ZMYM4: variants seen among roughly 807,000 people sequenced by gnomAD.
ZMYM4 encodes the protein zinc finger MYM-type protein 4.
Under a neutral mutation model 183.2 loss-of-function variants are expected in ZMYM4, and 31 were observed. The observed-to-expected ratio is 0.17, with a 90% CI of 0.13 to 0.23. The LOEUF (loss-of-function observed/expected upper bound fraction) is 0.23. Ranked by LOEUF, ZMYM4 falls within the 10% of genes least tolerant of loss-of-function variation. The probability of loss-of-function intolerance (pLI) is 1.00; values close to 1 mark genes in which losing one functional copy is unlikely to be tolerated. For synonymous variants in ZMYM4, 592 were observed against 631.2 expected (o/e 0.94, Z 0.93); for missense variants, 1,273 against 1,840.3 (o/e 0.69, Z 5.64).
intron 23 of ZMYM4, among the ~76,000 whole-genome samples, chr1:35,401,492 T>G (rs1644907824): frequency 6.6e-6 from 1 of 152,214 alleles, no homozygotes; most frequent in South Asian, 2.1e-4. Context: ...GGGTTGGTTG[T>G]TATCTTGCTG....
Position 35,269,082 on chromosome 1 carries a change from G to A in ZMYM4, c.36G>A (p.Lys12=), listed in dbSNP as rs1017718549. The change falls in exon 1 of 30, where the codon AAG becomes AAA. Residue 12 remains lysine (K), a synonymous_variant. Transcript: ENST00000314607. ...GAGAGGTGGAGTCCGGCCCCCGAAA[G>A]AGGGTAGGTGAGGTGAGGCAGAACT... is the stretch of plus-strand genomic sequence containing the variant. The part of the protein sequence containing the change: ...AEREVESGPR[K]RFEQKSGAVF... The A allele has an allele frequency of 3.2e-6, 5 of 1,549,330 alleles. No homozygotes were observed. The highest frequency in any genetic ancestry group is 2.7e-5 in the African/African-American group (2 of 73,114).
chr1:35,418,602 A>C (rs1490561325), intron 29 of ZMYM4, 30 bp downstream of exon 29: 2 of 1,610,266 alleles, frequency 1.2e-6, no homozygotes, highest in Non-Finnish European at 1.7e-6. Context: ...AATGTAGTGC[A>C]CTCAGAAGGC....
At chr1:35,295,869 C>T (rs1284566271) in intron 1 of ZMYM4, 1 of 152,160 alleles carries the variant, frequency 6.6e-6, no homozygotes, top group Non-Finnish European at 1.5e-5. Flanking sequence ...GTTTTGGCCA[C>T]CAGATTTAGC....
intron 7 of ZMYM4, among the ~76,000 whole-genome samples, chr1:35,377,718 C>T (rs1282715279): frequency 1.3e-5 from 2 of 152,158 alleles, no homozygotes; most frequent in Admixed American, 6.5e-5. Flanking sequence ...TGTGAGCCTT[C>T]AGTGAGTCAT....
intron 1 of ZMYM4, among the ~76,000 whole-genome samples, chr1:35,302,332 G>A (rs1167575298): frequency 6.7e-6 from 1 of 149,518 alleles, no homozygotes; most frequent in African/African-American, 2.5e-5. Context: ...TCAGCCTCTG[G>A]AGAAGCTGGG....
In ZMYM4 at chr1:35,389,850, CTAAGT is replaced by C. The variant is rs569072933; in HGVS notation, c.2437-94_2437-90del. 4.2e-5 allele frequency: 52 copies of C among 1,242,788 alleles called. No individual in the cohort carries two copies. In the African/African-American group the frequency reaches 6.9e-4, roughly 16 times the overall value. 77.0% of individuals were successfully genotyped at this position (1,242,788 alleles called of 1,614,324 possible). A position where few individuals can be genotyped will look rare whatever the true frequency, so the allele number is the denominator to read the frequency against. ...ACAAACTAATTTTTTGATCTAAATT[CTAAGT>C]TAATTTCGTCACTTGTTATGTGTGT... On this transcript the variant is annotated intron_variant, in intron 14 of 29. Transcript: ENST00000314607. The surrounding 1 kb of genome is among the most constrained non-coding windows in gnomAD (Gnocchi z 4.0).
chr1:35,269,052 GGA>G lies in ZMYM4; in HGVS notation c.14_15del (p.Glu5GlyfsTer10). MA[E>X]REVESGPRKR... is the part of the protein sequence containing the mutation. ...GGTTCCGAGCGGGGCCCAACATGGC[GGA>G]GAGAGAGGTGGAGTCCGGCCCCCGA... On this transcript the variant is annotated frameshift_variant, in exon 1 of 30. Transcript: ENST00000314607. LOFTEE classifies it high-confidence loss of function. 6.5e-7 allele frequency: 1 copy of G among 1,548,216 alleles called. No homozygotes were observed. Among genetic ancestry groups the G allele is most frequent in the Non-Finnish European group, 8.7e-7 (1 of 1,146,230 alleles).
At chr1:35,272,448 T>G (rs2148663403) in intron 1 of ZMYM4, among the ~76,000 whole-genome samples, 1 of 152,372 alleles carries the variant, frequency 6.6e-6, no homozygotes, top group South Asian at 2.1e-4. Flanking sequence ...AGTATCTATT[T>G]CATTGCTTTT....
intron 1 of ZMYM4, among the ~76,000 whole-genome samples, chr1:35,283,664 A>G (rs1164504569): frequency 6.6e-6 from 1 of 151,866 alleles, no homozygotes; most frequent in Non-Finnish European, 1.5e-5. Context: ...TGTGGCTTGG[A>G]TTTGAATTTT....
chr1:35,310,619 C>T (rs573975292), intron 1 of ZMYM4, among the ~76,000 whole-genome samples: 4 of 151,770 alleles, frequency 2.6e-5, no homozygotes, highest in African/African-American at 9.7e-5. Flanking sequence ...GCTCTTGTTG[C>T]CCAGGCTGGA....
chr1:35,302,714 A>G (rs1641348144), intron 1 of ZMYM4, among the ~76,000 whole-genome samples: 2 of 151,792 alleles, frequency 1.3e-5, no homozygotes, highest in South Asian at 4.2e-4. Flanking sequence ...TAGAGATGGG[A>G]TCTTACTATG....
intron 13 of ZMYM4, 44 bp from the exon 14 acceptor site, chr1:35,388,866 T>C (rs1475035021): frequency 2.5e-6 from 4 of 1,593,970 alleles, no homozygotes. Flanking sequence ...TGCAGAAAAC[T>C]AATACTTCTA....
rs1347985811 is a variant in ZMYM4, at chr1:35,269,186, G to A, written c.39+101G>A. 4 of 1,399,570 alleles carry A rather than the reference G, an allele frequency of 2.9e-6. No homozygotes were observed. The African/African-American group carries it at 6.0e-5, about 21-fold the overall frequency. 86.7% of individuals were successfully genotyped at this position (1,399,570 alleles called of 1,614,324 possible). A position where few individuals can be genotyped will look rare whatever the true frequency, so the allele number is the denominator to read the frequency against. On this transcript the variant is annotated intron_variant, in intron 1 of 29. Coordinates refer to ENST00000314607, the MANE Select transcript of ZMYM4 (RefSeq NM_005095.3). ...TTCGTGGAGGGGTCGCCGAGGCCCAGTTAGGACAAGGTTGCGGGCAGGTCT... is the reference window on the plus strand; with the variant it reads ...TTCGTGGAGGGGTCGCCGAGGCCCAATTAGGACAAGGTTGCGGGCAGGTCT...
At chr1:35,397,593 AT>A in intron 20 of ZMYM4, 48 bp downstream of exon 20, 1 of 1,492,022 alleles carries the variant, frequency 6.7e-7, no homozygotes, top group Non-Finnish European at 9.0e-7. Flanking sequence ...CGTTTTACAC[AT>A]TTTCAGGTGA....
intron 1 of ZMYM4, among the ~76,000 whole-genome samples, chr1:35,320,513 T>C (rs1394596437): frequency 6.6e-6 from 1 of 152,054 alleles, no homozygotes; most frequent in Admixed American, 6.6e-5. Flanking sequence ...TCCCCTGAGA[T>C]CCATGAGCTG....
intron 1 of ZMYM4, among the ~76,000 whole-genome samples, chr1:35,290,439 G>C (rs148164322): frequency 6.6e-6 from 1 of 151,884 alleles, no homozygotes; most frequent in East Asian, 1.9e-4. Flanking sequence ...TACTTACTTA[G>C]TTTTTATTTT....
intron 1 of ZMYM4, among the ~76,000 whole-genome samples, chr1:35,296,536 T>C (rs1641020251): frequency 6.6e-6 from 1 of 152,320 alleles, no homozygotes; most frequent in South Asian, 2.1e-4. Context: ...TAAAACTGTT[T>C]CCATTGTGTG....
intron 6 of ZMYM4, 32 bp from the exon 7 acceptor site, chr1:35,370,338 ATT>A (rs35122134): frequency 0.048 from 50,885 of 1,070,878 alleles, no homozygotes; most frequent in Non-Finnish European, 0.051. Flanking sequence ...TTTTCTTTCA[ATT>A]TTTTTTTTTT....
intron 1 of ZMYM4, among the ~76,000 whole-genome samples, chr1:35,302,446 T>TG (rs1641334063): frequency 1.4e-5 from 2 of 142,996 alleles, no homozygotes; most frequent in Non-Finnish European, 3.0e-5. Flanking sequence ...AGTGCAGTGG[T>TG]GCGATCTCAG....
Sources: gnomAD v4.1 joint callset for allele counts (sites outside exome capture counted in the v4.1 genomes callset) on GRCh38, gnomAD v4.1.1 for gene constraint, Gnocchi (gnomAD v3.1) non-coding constraint, MANE v1.5 for transcripts, NCBI Gene and HGNC (gene_info 2026-07-23, HGNC 2026-07-21) for gene names.